Variants in TPRG1 observed in about 807,000 individuals in gnomAD.
TPRG1 encodes tumor protein p63-regulated gene 1 protein.
In TPRG1, 29 loss-of-function variants were observed where a neutral mutation model predicts 29.3. The ratio of observed to expected loss-of-function variants is 0.99; its 90% CI spans 0.74 to 1.35. TPRG1 has a LOEUF of 1.35. Among genes scored for constraint, TPRG1 ranks in the 40% most tolerant of loss-of-function variants. The pLI is 0.00. For synonymous variants in TPRG1, 130 were observed against 116.8 expected, an observed-to-expected ratio of 1.11 and a Z score of -0.73; for missense variants, 327 against 335.0, an observed-to-expected ratio of 0.98 and a Z score of 0.19.
At chr3:189,272,953 A>G (rs1414497539) in intron 4 of TPRG1, among the ~76,000 whole-genome samples, 1 of 152,192 alleles carries the variant, frequency 6.6e-6, no homozygotes, top group Non-Finnish European at 1.5e-5. Flanking sequence ...ATTACTAAAG[A>G]GTAGACCATC....
In TPRG1 at chr3:189,109,114, G is replaced by A. The variant is rs545155319; in HGVS notation, c.-744+8910G>A. Among the ~76,000 whole-genome samples, 8 of 152,148 alleles carry A rather than the reference G, an allele frequency of 5.3e-5. No homozygotes were observed. The South Asian group carries it at 1.7e-3, about 32-fold the overall frequency. On this transcript the variant is annotated intron_variant, in intron 1 of 6. Transcript: ENST00000412373. ...TGGTCAGAAACAAGCAGAGGAGAGA[G>A]CAGAGTATTCCTCTGGGCTGTGTGG...
chr3:189,228,057 G>A (rs1738041172), intron 3 of TPRG1, among the ~76,000 whole-genome samples: 1 of 152,076 alleles, frequency 6.6e-6, no homozygotes, highest in African/African-American at 2.4e-5. Flanking sequence ...GGAGGCGGAG[G>A]TTGCAGTGAG....
At chr3:189,255,812 G>A (rs182922600) in intron 4 of TPRG1, among the ~76,000 whole-genome samples, 23 of 152,316 alleles carry the variant, frequency 1.5e-4, no homozygotes, top group African/African-American at 5.5e-4. Flanking sequence ...TATTTGCATA[G>A]ACGTGTTCAT....
chr3:189,073,350 CA>C (rs1716918116), intron 4 of TPRG1, among the ~76,000 whole-genome samples: 1 of 152,184 alleles, frequency 6.6e-6, no homozygotes, highest in Non-Finnish European at 1.5e-5. Flanking sequence ...AACACAGACA[CA>C]TACAAAGTTC....
intron 4 of TPRG1, among the ~76,000 whole-genome samples, chr3:189,036,257 CT>C (rs1456471775): frequency 3.3e-5 from 5 of 151,988 alleles, no homozygotes; most frequent in African/African-American, 1.2e-4. Flanking sequence ...ATGGGGACCA[CT>C]AGAGAGGGGA....
intron 3 of TPRG1, among the ~76,000 whole-genome samples, chr3:189,022,187 G>A (rs145313532): frequency 0.042 from 6,396 of 151,958 alleles, 453 homozygotes; most frequent in African/African-American, 0.15. Flanking sequence ...ATGTCCTCCC[G>A]TAGCTCAGAG....
chr3:189,019,894 T>C (rs1459670955), intron 3 of TPRG1, among the ~76,000 whole-genome samples: 12 of 151,358 alleles, frequency 7.9e-5, no homozygotes, highest in East Asian at 7.8e-4. Flanking sequence ...CTATTGATTA[T>C]TGCCACAATT....
intron 3 of TPRG1, among the ~76,000 whole-genome samples, chr3:189,230,146 A>C (rs1738407201): frequency 6.6e-6 from 1 of 152,144 alleles, no homozygotes; most frequent in African/African-American, 2.4e-5. Context: ...GTCTTGTGGG[A>C]AAGAGAGAAG....
chr3:189,036,421 A>C (rs569540880), intron 4 of TPRG1, among the ~76,000 whole-genome samples: 1 of 152,122 alleles, frequency 6.6e-6, no homozygotes, highest in Non-Finnish European at 1.5e-5. Flanking sequence ...TACCCCATGA[A>C]CCTAAAATAA....
At chr3:189,170,904 G>A (rs544936402), upstream of TPRG1, among the ~76,000 whole-genome samples, 18 of 152,208 alleles carry the variant, frequency 1.2e-4, no homozygotes, top group Admixed American at 3.3e-4. Context: ...CTTTGTCAGC[G>A]CACACCCGTT....
At chr3:189,187,011 T>G (rs2108725090) in intron 1 of TPRG1, among the ~76,000 whole-genome samples, 1 of 120,256 alleles carries the variant, frequency 8.3e-6, no homozygotes. Context: ...TTTTTTGAGA[T>G]GGAGTCTCAC....
intron 1 of TPRG1, among the ~76,000 whole-genome samples, chr3:188,998,540 G>C (rs541504609): frequency 6.6e-6 from 1 of 152,350 alleles, no homozygotes; most frequent in South Asian, 2.1e-4. Context: ...GAAAAGGAGA[G>C]TGATGTAGTC....
At chr3:189,102,664 A>T (rs908560233) in intron 1 of TPRG1, among the ~76,000 whole-genome samples, 4 of 152,278 alleles carry the variant, frequency 2.6e-5, no homozygotes, top group African/African-American at 7.2e-5. Flanking sequence ...TAATTTTTTT[A>T]AAAAAGAAGG....
chr3:189,035,476 A>G (rs1714202561), intron 4 of TPRG1, among the ~76,000 whole-genome samples: 1 of 152,170 alleles, frequency 6.6e-6, no homozygotes, highest in Non-Finnish European at 1.5e-5. Flanking sequence ...GCACAGCAAA[A>G]TAAACTGTCA....
intron 1 of TPRG1, among the ~76,000 whole-genome samples, chr3:189,101,710 G>C (rs1719224828): frequency 6.6e-6 from 1 of 151,720 alleles, no homozygotes; most frequent in South Asian, 2.1e-4. Flanking sequence ...ATATCTTTTA[G>C]AGTCCTTGGG....
At chr3:189,022,567 C>G (rs1389167960) in intron 3 of TPRG1, among the ~76,000 whole-genome samples, 2 of 149,860 alleles carry the variant, frequency 1.3e-5, no homozygotes, top group African/African-American at 4.9e-5. Context: ...CAGGGACCCA[C>G]TTGAGGAGGC....
At chr3:189,165,297 C>T (rs1728014765) in intron 5 of TPRG1, among the ~76,000 whole-genome samples, 1 of 151,920 alleles carries the variant, frequency 6.6e-6, no homozygotes, top group Admixed American at 6.6e-5. Flanking sequence ...ACAGGTTTTA[C>T]TGCTGTTTCC....
intron 1 of TPRG1, among the ~76,000 whole-genome samples, chr3:189,201,291 C>T (rs1733444393): frequency 6.6e-6 from 1 of 152,210 alleles, no homozygotes; most frequent in South Asian, 2.1e-4. Context: ...CAATGGGGAT[C>T]ATCAAGTAGC....
intron 3 of TPRG1, among the ~76,000 whole-genome samples, chr3:189,139,682 T>C (rs1338900747): frequency 3.3e-5 from 5 of 150,846 alleles, no homozygotes; most frequent in Non-Finnish European, 7.4e-5. Context: ...TTTTTTTTTT[T>C]CAAAAAAAAA....
Sources: gnomAD v4.1 joint callset for allele counts (sites outside exome capture counted in the v4.1 genomes callset) on GRCh38, gnomAD v4.1.1 for gene constraint, MANE v1.5 for transcripts, NCBI Gene and HGNC (gene_info 2026-07-23, HGNC 2026-07-21) for gene names.